The following CACNA2D1 variants were observed in gnomAD, a reference collection of about 807,000 sequenced individuals.
The protein encoded by CACNA2D1 is calcium voltage-gated channel auxiliary subunit alpha2delta 1, also known as voltage-dependent calcium channel subunit alpha-2/delta-1.
Under a neutral mutation model 171.5 loss-of-function variants are expected in CACNA2D1, and 53 were observed. That is an observed-to-expected ratio of 0.31 (90% CI 0.25 to 0.39). The LOEUF is 0.39. Among genes scored for constraint, CACNA2D1 ranks in the 10% least tolerant of loss-of-function variants. The pLI is 1.00. For synonymous variants in CACNA2D1, 442 were observed against 443.1 expected, an observed-to-expected ratio of 1.00 and a Z score of 0.03; for missense variants, 903 against 1,299.8, an observed-to-expected ratio of 0.69 and a Z score of 4.69.
intron 10 of CACNA2D1, chr7:82,050,670 T>C (rs778902105): frequency 2.0e-5 from 14 of 701,854 alleles, no homozygotes; most frequent in Middle Eastern, 2.3e-4. Flanking sequence ...TGTTAATGCT[T>C]AGACTTAAAT....
At chr7:82,258,089 G>C (rs531717876) in intron 3 of CACNA2D1, among the ~76,000 whole-genome samples, 46 of 152,078 alleles carry the variant, frequency 3.0e-4, no homozygotes, top group Non-Finnish European at 5.1e-4. Flanking sequence ...TTCTGGGACT[G>C]GAGGGAAAAG....
intron 3 of CACNA2D1, among the ~76,000 whole-genome samples, chr7:82,171,834 T>C (rs1233579012): frequency 6.6e-6 from 1 of 152,100 alleles, no homozygotes; most frequent in Non-Finnish European, 1.5e-5. Context: ...GTTTAAAAAA[T>C]TACAAATCTC....
intron 3 of CACNA2D1, among the ~76,000 whole-genome samples, chr7:82,173,718 G>A (rs758453377): frequency 2.0e-4 from 30 of 151,824 alleles, no homozygotes; most frequent in Non-Finnish European, 1.3e-4. Flanking sequence ...AAGCTAATGA[G>A]CTACCATTAA....
At chr7:82,030,347 A>AATG (rs1267844758) in intron 12 of CACNA2D1, among the ~76,000 whole-genome samples, 1 of 151,652 alleles carries the variant, frequency 6.6e-6, no homozygotes, top group Non-Finnish European at 1.5e-5. Context: ...AGATCAAATT[A>AATG]ATGATATGCC....
intron 3 of CACNA2D1, among the ~76,000 whole-genome samples, chr7:82,315,866 T>C (rs576826485): frequency 6.6e-6 from 1 of 152,286 alleles, no homozygotes; most frequent in East Asian, 1.9e-4. Flanking sequence ...AACTTGATAC[T>C]TTTTTCTTAA....
intron 3 of CACNA2D1, among the ~76,000 whole-genome samples, chr7:82,197,381 A>G (rs1798955637): frequency 6.6e-6 from 1 of 152,098 alleles, no homozygotes; most frequent in Non-Finnish European, 1.5e-5. Flanking sequence ...TGATTTTTCT[A>G]ATTCAAGATT....
At chr7:82,163,439 G>A (rs1042776501) in intron 4 of CACNA2D1, among the ~76,000 whole-genome samples, 10 of 152,064 alleles carry the variant, frequency 6.6e-5, no homozygotes, top group Middle Eastern at 3.4e-3. Flanking sequence ...GAGGTCAATT[G>A]ATTATCATTT....
At chr7:82,082,261 G>T (rs925044101) in intron 7 of CACNA2D1, among the ~76,000 whole-genome samples, 4 of 152,054 alleles carry the variant, frequency 2.6e-5, no homozygotes, top group Admixed American at 2.6e-4. Flanking sequence ...CATTTCATGG[G>T]TTCTTGTCAC....
At chr7:82,047,145 A>G (rs376674836) in intron 10 of CACNA2D1, among the ~76,000 whole-genome samples, 4 of 152,056 alleles carry the variant, frequency 2.6e-5, no homozygotes, top group Non-Finnish European at 4.4e-5. Flanking sequence ...CACTTTTCCA[A>G]CTGGAAAAAT....
At chr7:82,365,856 C>A (rs1044064082) in intron 1 of CACNA2D1, among the ~76,000 whole-genome samples, 1 of 152,056 alleles carries the variant, frequency 6.6e-6, no homozygotes, top group Admixed American at 6.6e-5. Flanking sequence ...TTTGCATGAC[C>A]CTCCTAGTTA....
At position 82,161,859 on chromosome 7, in the gene CACNA2D1, T is replaced by C. The variant is rs555749351; in HGVS notation, c.354+8691A>G. Among the ~76,000 whole-genome samples, 21 of 151,948 alleles carry C rather than the reference T, an allele frequency of 1.4e-4. No homozygotes were observed. The South Asian group carries it at 4.4e-3, about 32-fold the overall frequency. On this transcript the variant is annotated intron_variant, in intron 4 of 38. Coordinates refer to ENST00000356860, the MANE Select transcript of CACNA2D1 (RefSeq NM_000722.4). ...AAGTGTCCTTGGAGGAATATGGGCA[T>C]TAAAGATGAGAGGGCAAAGACTGTG...
chr7:82,133,024 T>C lies in CACNA2D1; in HGVS notation c.396+3611A>G, dbSNP rs569513445. ...CTTTGTATTTTACACTCAGGTTGAT[T>C]TGACATGATAATTTATTGGTTTTTT... is the stretch of plus-strand genomic sequence containing the variant. On this transcript the variant is annotated intron_variant, in intron 5 of 38. Transcript: ENST00000356860. Among the ~76,000 whole-genome samples, 5 of 152,204 alleles carry C rather than the reference T, an allele frequency of 3.3e-5. No homozygotes were observed. In the South Asian group the frequency reaches 6.2e-4, roughly 19 times the overall value.
intron 1 of CACNA2D1, among the ~76,000 whole-genome samples, chr7:82,361,437 C>A (rs2129447238): frequency 6.6e-6 from 1 of 152,152 alleles, no homozygotes; most frequent in Middle Eastern, 3.4e-3. Flanking sequence ...ATATAAATGT[C>A]CAAGTAATAC....
intron 1 of CACNA2D1, among the ~76,000 whole-genome samples, chr7:82,366,085 C>T (rs1326158969): frequency 7.2e-5 from 11 of 152,180 alleles, no homozygotes; most frequent in South Asian, 2.1e-4. Flanking sequence ...CTAGACCACT[C>T]GTTGCTACAG....
At chr7:82,132,905 A>G (rs1791166287) in intron 5 of CACNA2D1, among the ~76,000 whole-genome samples, 1 of 152,334 alleles carries the variant, frequency 6.6e-6, no homozygotes, top group South Asian at 2.1e-4. Flanking sequence ...TTTTCAGTAT[A>G]CAATAAATTA....
intron 1 of CACNA2D1, among the ~76,000 whole-genome samples, chr7:82,378,241 T>C (rs945438074): frequency 6.6e-6 from 1 of 151,892 alleles, no homozygotes; most frequent in Admixed American, 6.6e-5. Flanking sequence ...TACAAAAAAA[T>C]GTTTTTAATT....
intron 4 of CACNA2D1, among the ~76,000 whole-genome samples, chr7:82,154,820 GTATCTATCCATT>G (rs1485476070): frequency 2.0e-5 from 3 of 152,058 alleles, no homozygotes; most frequent in African/African-American, 7.2e-5. Context: ...TGATAATGTG[GTATCTATCCATT>G]TATTGATTCA....
At chr7:82,299,924 G>A (rs1164242603) in intron 3 of CACNA2D1, among the ~76,000 whole-genome samples, 4 of 152,104 alleles carry the variant, frequency 2.6e-5, no homozygotes, top group African/African-American at 4.8e-5. Flanking sequence ...TATCAGGAAC[G>A]ATGTTAGGCC....
chr7:82,056,009 T>TTAAAA lies in CACNA2D1; in HGVS notation c.879+4418_879+4419insTTTTA, dbSNP rs377698178. 7.8e-4 allele frequency among the ~76,000 whole-genome samples: 33 copies of TTAAAA among 42,200 alleles called. 1 individual carries two copies. Among genetic ancestry groups the TTAAAA allele is most frequent in the Non-Finnish European group, 1.3e-3 (33 of 24,914 alleles). 27.7% of individuals were successfully genotyped at this position (42,200 alleles called of 152,430 possible). ...CATGACAATAAACCTACTCAAAAGT[T>TTAAAA]AAAAAAAAAAAAAAAAAAAAAAGGC... On this transcript the variant is annotated intron_variant, in intron 10 of 38. Transcript: ENST00000356860.
Sources: allele counts gnomAD v4.1 joint callset (sites outside exome capture counted in the v4.1 genomes callset), GRCh38; gene constraint gnomAD v4.1.1; transcripts MANE v1.5; gene names NCBI Gene and HGNC (gene_info 2026-07-23, HGNC 2026-07-21).